The following JMJD1C variants were observed in gnomAD, a reference collection of about 807,000 sequenced individuals.
The protein encoded by JMJD1C is jumonji domain-containing protein 1C.
Under a neutral mutation model 245.3 loss-of-function variants are expected in JMJD1C, and 31 were observed. The ratio of observed to expected loss-of-function variants is 0.13; its 90% CI spans 0.09 to 0.17. JMJD1C has a LOEUF of 0.17. JMJD1C is among the 10% of genes least tolerant of loss of function. The pLI is 1.00. For synonymous variants in JMJD1C, 1,057 were observed against 1,017.4 expected (o/e 1.04, Z -0.74); for missense variants, 2,691 against 3,000.2 (o/e 0.90, Z 2.41).
At chr10:63,353,262 T>G (rs1361469008) in intron 2 of JMJD1C, among the ~76,000 whole-genome samples, 3 of 152,166 alleles carry the variant, frequency 2.0e-5, no homozygotes, top group African/African-American at 7.2e-5. Flanking sequence ...AGTATTTTTT[T>G]GTAAGAACTC....
chr10:63,189,160 A>G lies in JMJD1C; in HGVS notation c.6570+8T>C. 6.3e-7 allele frequency: 1 copy of G among 1,596,518 alleles called. No homozygotes were observed. Among genetic ancestry groups the G allele is most frequent in the Middle Eastern group, 1.7e-4 (1 of 5,946 alleles). ...CAAGAGTGTTCTTTATCAGCCTAAA[A>G]TACACACCTGTCCTTGTTTCCAACA... On this transcript the variant is annotated splice_region_variant and intron_variant, in intron 18 of 25. Transcript: ENST00000399262.
At chr10:63,375,152 A>G (rs1215908273) in intron 2 of JMJD1C, among the ~76,000 whole-genome samples, 1 of 150,732 alleles carries the variant, frequency 6.6e-6, no homozygotes. Flanking sequence ...TACCTAAGCA[A>G]CAGGATATGA....
intron 5 of JMJD1C, 54 bp from the exon 6 acceptor site, chr10:63,215,750 T>C (rs778007868): frequency 5.7e-5 from 70 of 1,236,596 alleles, no homozygotes; most frequent in Middle Eastern, 2.2e-4. Flanking sequence ...GCTAATCAAA[T>C]ATTTGGTATA....
intron 1 of JMJD1C, among the ~76,000 whole-genome samples, chr10:63,385,802 C>A (rs1466172631): frequency 6.6e-6 from 1 of 151,828 alleles, no homozygotes; most frequent in Non-Finnish European, 1.5e-5. Context: ...ATAAAGCAAA[C>A]TACGATAAAA....
At chr10:63,172,900 C>A (rs540464404) in intron 24 of JMJD1C, among the ~76,000 whole-genome samples, 1 of 147,276 alleles carries the variant, frequency 6.8e-6, no homozygotes, top group African/African-American at 2.5e-5. Context: ...GAGAGCCATA[C>A]GAGATGAAGG....
At chr10:63,355,515 T>A (rs184968902) in intron 2 of JMJD1C, among the ~76,000 whole-genome samples, 49 of 152,298 alleles carry the variant, frequency 3.2e-4, no homozygotes, top group African/African-American at 1.0e-3. Context: ...TATAAAACTC[T>A]TGAAACAGAG....
chr10:63,500,787 G>GGATGGATA (rs1954530829), intron 1 of JMJD1C, among the ~76,000 whole-genome samples: 1 of 151,868 alleles, frequency 6.6e-6, no homozygotes, highest in South Asian at 2.1e-4. Flanking sequence ...ATGGATGGAT[G>GGATGGATA]GATGGATGCA....
At chr10:63,348,730 G>A (rs931417488) in intron 2 of JMJD1C, among the ~76,000 whole-genome samples, 4 of 152,158 alleles carry the variant, frequency 2.6e-5, no homozygotes, top group African/African-American at 9.7e-5. Flanking sequence ...GGGTCATGGG[G>A]ACGTATCCTT....
intron 2 of JMJD1C, among the ~76,000 whole-genome samples, chr10:63,308,903 G>GT (rs1299775307): frequency 1.3e-5 from 2 of 152,118 alleles, no homozygotes; most frequent in South Asian, 2.1e-4. Context: ...AAATATCACA[G>GT]TAACATTTCA....
intron 1 of JMJD1C, among the ~76,000 whole-genome samples, chr10:63,462,188 T>G (rs1449561054): frequency 1.3e-5 from 2 of 152,184 alleles, no homozygotes; most frequent in African/African-American, 4.8e-5. Flanking sequence ...TTAGCAAAGA[T>G]AATTCCAATA....
chr10:63,262,999 C>A (rs1414167777), intron 3 of JMJD1C, among the ~76,000 whole-genome samples: 1 of 152,138 alleles, frequency 6.6e-6, no homozygotes, highest in Admixed American at 6.5e-5. Flanking sequence ...AATACAACCA[C>A]AGAATTAAAA....
chr10:63,249,554 T>C (rs1168769538), intron 3 of JMJD1C, among the ~76,000 whole-genome samples: 3 of 152,138 alleles, frequency 2.0e-5, no homozygotes, highest in Admixed American at 6.5e-5. Context: ...AATTTGTTTA[T>C]GGCATAAAGA....
intron 1 of JMJD1C, among the ~76,000 whole-genome samples, chr10:63,482,544 G>A (rs546382295): frequency 1.5e-4 from 23 of 152,190 alleles, no homozygotes; most frequent in African/African-American, 4.8e-4. Context: ...GCTGAGGCAG[G>A]AGAATCGCTT....
chr10:63,310,778 C>A (rs1255445132), intron 2 of JMJD1C, among the ~76,000 whole-genome samples: 3 of 151,616 alleles, frequency 2.0e-5, no homozygotes, highest in African/African-American at 4.9e-5. Flanking sequence ...ATACAACTTT[C>A]TATTGACAAT....
chr10:63,202,437 C>T, intron 10 of JMJD1C: 3 of 985,414 alleles, frequency 3.0e-6, no homozygotes, highest in Non-Finnish European at 3.6e-6. Context: ...GTTTTCTAAT[C>T]ATGCCCAATG....
At chr10:63,438,887 T>C (rs1951206000) in intron 1 of JMJD1C, among the ~76,000 whole-genome samples, 1 of 152,196 alleles carries the variant, frequency 6.6e-6, no homozygotes, top group Admixed American at 6.5e-5. Context: ...TTATTTTCTT[T>C]CCTGGTACTT....
In JMJD1C at chr10:63,168,019, C is replaced by A; in HGVS notation, c.*26G>T. ...AGGTTAAGTAATCCCAGTTCAACAA[C>A]CTAAAAATATCAAACTGGATCACAC... On this transcript the variant is annotated 3_prime_UTR_variant, in exon 26 of 26. Coordinates refer to ENST00000399262, the MANE Select transcript of JMJD1C (RefSeq NM_032776.3). The A allele has an allele frequency of 1.5e-6, 2 of 1,334,148 alleles. No individual in the cohort carries two copies. The highest frequency in any genetic ancestry group is 2.2e-6 in the Non-Finnish European group (2 of 925,938). The allele number at this position is 1,334,148 out of a possible 1,614,324, so 82.6% of individuals were successfully genotyped here.
intron 1 of JMJD1C, among the ~76,000 whole-genome samples, chr10:63,513,830 G>T (rs569455107): frequency 3.3e-5 from 5 of 152,028 alleles, no homozygotes; most frequent in Admixed American, 1.3e-4. Flanking sequence ...GGAGAATGGC[G>T]TGAACCCGGG....
intron 25 of JMJD1C, 78 bp downstream of exon 25, chr10:63,168,357 G>A: frequency 7.0e-7 from 1 of 1,429,894 alleles, no homozygotes. Context: ...GGCAATGACT[G>A]CCTAAGCTGT....
Sources: allele counts gnomAD v4.1 joint callset (sites outside exome capture counted in the v4.1 genomes callset), GRCh38; gene constraint gnomAD v4.1.1; transcripts MANE v1.5; gene names NCBI Gene and HGNC (gene_info 2026-07-23, HGNC 2026-07-21).